CAPZA2: variants seen among roughly 807,000 people sequenced by gnomAD.
The protein encoded by CAPZA2 is F-actin-capping protein subunit alpha-2.
CAPZA2 carries 13 observed loss-of-function variants against 44.0 expected under a neutral mutation model. The ratio of observed to expected loss-of-function variants is 0.30; its 90% CI spans 0.19 to 0.47. The LOEUF is 0.47. Among genes scored for constraint, CAPZA2 ranks in the 20% least tolerant of loss-of-function variants. CAPZA2 has a pLI of 1.00. For synonymous variants in CAPZA2, 94 were observed against 108.2 expected (o/e 0.87, Z 0.81); for missense variants, 244 against 338.6 (o/e 0.72, Z 2.19).
At chr7:116,904,964 C>G (rs1791470694) in intron 5 of CAPZA2, among the ~76,000 whole-genome samples, 1 of 89,686 alleles carries the variant, frequency 1.1e-5, no homozygotes, top group African/African-American at 3.6e-5. Context: ...AACCCTGTCT[C>G]TACTTAAAAA....
chr7:116,862,707 G>A, intron 1 of CAPZA2, 57 bp downstream of exon 1: 1 of 1,494,952 alleles, frequency 6.7e-7, no homozygotes, highest in South Asian at 1.2e-5. Context: ...GCCCGGGCGG[G>A]TGGGCCCGGA....
In CAPZA2 at chr7:116,893,029, A is replaced by C. The variant is rs2115933061; in HGVS notation, c.139A>C (p.Arg47=). Residue 47 remains arginine, a synonymous_variant, in exon 3 of 10, where the codon AGG becomes CGG. Coordinates refer to ENST00000361183, the MANE Select transcript of CAPZA2 (RefSeq NM_006136.3). ...ACTGCTTAATAATGACAATCTTCTC[A>C]GGGAAGGAGCAGCCCAGTAAGTATT... ...RLLLNNDNLL[R]EGAAHAFAQY... The C allele has an allele frequency of 6.3e-7, 1 of 1,598,726 alleles. No homozygotes were observed. The highest frequency in any genetic ancestry group is 1.7e-4 in the Middle Eastern group (1 of 6,028).
chr7:116,877,246 A>G (rs1796634177), intron 1 of CAPZA2, among the ~76,000 whole-genome samples: 1 of 152,212 alleles, frequency 6.6e-6, no homozygotes, highest in Non-Finnish European at 1.5e-5. Context: ...TGTACTAAAT[A>G]ATATACCAAG....
chr7:116,907,533 C>T lies in CAPZA2; in HGVS notation c.506+1191C>T, dbSNP rs913823971. Among the ~76,000 whole-genome samples, 16 of 152,122 alleles carry T rather than the reference C, an allele frequency of 1.1e-4. 1 individual carries two copies. Among genetic ancestry groups the T allele is most frequent in the Non-Finnish European group, 2.2e-4 (15 of 68,018 alleles). Reference sequence around the variant, plus strand: ...TATTAGAAGAAAATTCTTTTTACTACGTTCTTCTTTATAATACATTGGAGC... The same window carrying T: ...TATTAGAAGAAAATTCTTTTTACTATGTTCTTCTTTATAATACATTGGAGC... On this transcript the variant is annotated intron_variant, in intron 6 of 9. Coordinates refer to ENST00000361183, the MANE Select transcript of CAPZA2 (RefSeq NM_006136.3).
chr7:116,893,763 T>C (rs1796882823), intron 3 of CAPZA2, among the ~76,000 whole-genome samples: 2 of 152,220 alleles, frequency 1.3e-5, no homozygotes, highest in African/African-American at 4.8e-5. Flanking sequence ...CCTAACGTAG[T>C]ACCTGACACA....
intron 7 of CAPZA2, among the ~76,000 whole-genome samples, chr7:116,911,083 G>A (rs966717510): frequency 6.6e-6 from 1 of 150,882 alleles, no homozygotes; most frequent in East Asian, 2.0e-4. Context: ...CCAAGTACTC[G>A]ATGAATGGTA....
chr7:116,919,128 A>G lies in CAPZA2; in HGVS notation c.*1261A>G, dbSNP rs899368778. 1 of 148,518 alleles carries G rather than the reference A, an allele frequency of 6.7e-6. No individual in the cohort carries two copies. Among genetic ancestry groups the G allele is most frequent in the Non-Finnish European group, 1.5e-5 (1 of 66,960 alleles). 9.2% of individuals were successfully genotyped at this position (148,518 alleles called of 1,614,324 possible). A position where few individuals can be genotyped will look rare whatever the true frequency, so the allele number is the denominator to read the frequency against. ...TTTTTAGAAAAACACCACTTTTATT[A>G]TGTACAATAAAATATTTCATTAGCT... On this transcript the variant is annotated 3_prime_UTR_variant, in exon 10 of 10. Transcript: ENST00000361183.
intron 9 of CAPZA2, among the ~76,000 whole-genome samples, chr7:116,916,348 C>T (rs1483321823): frequency 2.0e-5 from 3 of 152,186 alleles, no homozygotes; most frequent in Non-Finnish European, 2.9e-5. Context: ...AAGACTAGGC[C>T]GAGCGCGGAG....
intron 1 of CAPZA2, chr7:116,886,062 C>G (rs1391411115): frequency 6.5e-6 from 1 of 154,600 alleles, no homozygotes; most frequent in African/African-American, 2.4e-5. Context: ...GAAGCAGAAT[C>G]TATGATTGAT....
chr7:116,906,591 T>C (rs754479656), intron 6 of CAPZA2: 1 of 457,818 alleles, frequency 2.2e-6, no homozygotes, highest in Non-Finnish European at 3.5e-6. Flanking sequence ...TGAGGGAGCA[T>C]GTGTGCCTGC....
At chr7:116,909,361 C>G (rs1361760800) in intron 6 of CAPZA2, among the ~76,000 whole-genome samples, 2 of 151,942 alleles carry the variant, frequency 1.3e-5, no homozygotes, top group African/African-American at 4.8e-5. Context: ...AAAAGTTTGT[C>G]AGAAAAATAG....
rs1276982982 is a variant in CAPZA2, at chr7:116,912,148, A to G, written c.657+8A>G. On this transcript the variant is annotated splice_region_variant and intron_variant, in intron 8 of 9. Coordinates refer to ENST00000361183, the MANE Select transcript of CAPZA2 (RefSeq NM_006136.3). ...GATTCCCTAACAGTGTCTGTAAGTA[A>G]TTAATTCCACAATAAAATTTAACCT... is the stretch of plus-strand genomic sequence containing the variant. 1.2e-6 allele frequency: 2 copies of G among 1,611,480 alleles called. No individual in the cohort carries two copies. The highest frequency in any genetic ancestry group is 1.7e-6 in the Non-Finnish European group (2 of 1,178,872).
intron 8 of CAPZA2, chr7:116,915,399 T>TA (rs1791666919): frequency 6.6e-6 from 1 of 152,176 alleles, no homozygotes; most frequent in Non-Finnish European, 1.5e-5. Flanking sequence ...ACTTGACTAA[T>TA]ATGCCAGTTT....
At chr7:116,865,300 C>T (rs1796469951) in intron 1 of CAPZA2, among the ~76,000 whole-genome samples, 1 of 148,750 alleles carries the variant, frequency 6.7e-6, no homozygotes, top group Admixed American at 6.8e-5. Flanking sequence ...ATTCTTCTGC[C>T]TCAGCCTCCC....
chr7:116,893,255 C>T (rs766598216), intron 3 of CAPZA2, among the ~76,000 whole-genome samples: 7 of 151,996 alleles, frequency 4.6e-5, no homozygotes, highest in Admixed American at 2.0e-4. Flanking sequence ...CTCAGCCTCC[C>T]GAGTAGCTGG....
chr7:116,879,382 T>G (rs1796662173), intron 1 of CAPZA2, among the ~76,000 whole-genome samples: 1 of 152,152 alleles, frequency 6.6e-6, no homozygotes, highest in Admixed American at 6.5e-5. Context: ...GTAAATTATT[T>G]GAAAATTAAC....
chr7:116,899,870 G>A (rs1585011111), intron 4 of CAPZA2, among the ~76,000 whole-genome samples: 1 of 149,912 alleles, frequency 6.7e-6, no homozygotes, highest in Non-Finnish European at 1.5e-5. Context: ...AACAAAAAAG[G>A]TAAACAGTAT....
chr7:116,877,386 A>G (rs1192497240), intron 1 of CAPZA2, among the ~76,000 whole-genome samples: 2 of 152,214 alleles, frequency 1.3e-5, no homozygotes, highest in African/African-American at 4.8e-5. Flanking sequence ...AAGATGGCCA[A>G]ATCATGTATA....
intron 5 of CAPZA2, among the ~76,000 whole-genome samples, chr7:116,904,985 A>C (rs1321658379): frequency 1.3e-5 from 2 of 149,712 alleles, no homozygotes; most frequent in South Asian, 2.1e-4. Context: ...AAAAAAAAAA[A>C]AAAACAATTA....
Sources: gnomAD v4.1 joint callset for allele counts (sites outside exome capture counted in the v4.1 genomes callset) on GRCh38, gnomAD v4.1.1 for gene constraint, MANE v1.5 for transcripts, NCBI Gene and HGNC (gene_info 2026-07-23, HGNC 2026-07-21) for gene names.